The following HACL1 variants were observed in gnomAD, a reference collection of about 807,000 sequenced individuals.
HACL1 encodes the protein 2-hydroxyacyl-CoA lyase 1, also known as 1600020H07Rik.
HACL1 carries 64 observed loss-of-function variants against 74.2 expected under a neutral mutation model. The observed-to-expected ratio is 0.86, with a 90% CI of 0.70 to 1.06. The LOEUF (loss-of-function observed/expected upper bound fraction) is 1.06. HACL1 is among the 50% of genes least tolerant of loss of function. The pLI is 0.00. For synonymous variants in HACL1, 230 were observed against 238.8 expected, an observed-to-expected ratio of 0.96 and a Z score of 0.34; for missense variants, 728 against 719.7, an observed-to-expected ratio of 1.01 and a Z score of -0.13.
Position 15,577,268 on chromosome 3 carries a change from T to G in HACL1, c.804-2186A>C, listed in dbSNP as rs149642939. Among the ~76,000 whole-genome samples the G allele has an allele frequency of 2.0e-3, 310 of 151,786 alleles. 4 individuals carry two copies. The highest frequency in any genetic ancestry group is 7.4e-4 in the Non-Finnish European group (50 of 67,880). ...GGGAGGCCAAGGTGGAAGGATCACT[T>G]GAGCCTAGGGGTCTGAGTCCAGCCT... On this transcript the variant is annotated intron_variant, in intron 9 of 16. Transcript: ENST00000321169.
chr3:15,596,125 G>T, intron 3 of HACL1: 1 of 394,542 alleles, frequency 2.5e-6, no homozygotes, highest in Non-Finnish European at 4.6e-6. Flanking sequence ...TGAGATCCAA[G>T]ACAAGGTATC....
chr3:15,571,560 A>G (rs1049827790), intron 12 of HACL1, 108 bp downstream of exon 12: 7 of 731,888 alleles, frequency 9.6e-6, no homozygotes, highest in Middle Eastern at 4.6e-4. Context: ...TTCACTGCAC[A>G]ATTTTGCACA....
chr3:15,599,454 T>C (rs887105226), intron 2 of HACL1, among the ~76,000 whole-genome samples: 3 of 151,902 alleles, frequency 2.0e-5, no homozygotes, highest in African/African-American at 7.3e-5. Context: ...AGTACAAATC[T>C]AATTACATCG....
chr3:15,595,552 G>A (rs1344277827), intron 3 of HACL1, among the ~76,000 whole-genome samples: 1 of 150,020 alleles, frequency 6.7e-6, no homozygotes, highest in African/African-American at 2.5e-5. Flanking sequence ...GGAAGAAAAT[G>A]ACCAATTCTT....
intron 16 of HACL1, 86 bp from the exon 17 acceptor site, chr3:15,560,983 A>G (rs1322486707): frequency 1.0e-5 from 11 of 1,057,878 alleles, no homozygotes; most frequent in Non-Finnish European, 1.5e-5. Flanking sequence ...TCTAAAACCT[A>G]AAAGTCCTAC....
intron 12 of HACL1, among the ~76,000 whole-genome samples, chr3:15,569,189 A>G (rs2125233649): frequency 6.6e-6 from 1 of 152,266 alleles, no homozygotes; most frequent in Middle Eastern, 3.4e-3. Context: ...AGCCATAGAG[A>G]GCTTTAGCAG....
Position 15,582,883 on chromosome 3 carries a change from CGAT to C in HACL1, c.658_660del (p.Ile220del), listed in dbSNP as rs1559555554. 3.9e-6 allele frequency: 6 copies of C among 1,550,326 alleles called. No homozygotes were observed. Among genetic ancestry groups the C allele is most frequent in the Admixed American group, 1.7e-5 (1 of 59,522 alleles). On this transcript the variant is annotated inframe_deletion, in exon 8 of 17. Coordinates refer to ENST00000321169, the MANE Select transcript of HACL1 (RefSeq NM_012260.4). The stretch of plus-strand genomic sequence containing the variant: ...AGAGTTCTATTCATGCTACCTTTCC[CGAT>C]GATAAGAAGGGGTTGTTTGGCATTC...
chr3:15,564,593 T>C lies in HACL1; in HGVS notation c.1475A>G (p.Asp492Gly), dbSNP rs1312335505. Residue 492 changes from aspartate to glycine, a missense_variant, in exon 15 of 17, where the codon GAT (aspartate) becomes GGT (glycine). Transcript: ENST00000321169. ...NNGIYQGFDT[D>G]TWKEMLKFQD... Reference sequence around the variant, plus strand: ...AAATTTTAACATTTCTTTCCAAGTATCTGTATCAAAACCTTGGTAAATTCC... The same window carrying C: ...AAATTTTAACATTTCTTTCCAAGTACCTGTATCAAAACCTTGGTAAATTCC... 3 of 1,571,808 alleles carry C rather than the reference T, an allele frequency of 1.9e-6. No homozygotes were observed. Among genetic ancestry groups the C allele is most frequent in the Non-Finnish European group, 2.6e-6 (3 of 1,144,328 alleles).
At chr3:15,568,742 T>C (rs1054381055) in intron 12 of HACL1, among the ~76,000 whole-genome samples, 156 bp from the exon 13 acceptor site, 2 of 152,250 alleles carry the variant, frequency 1.3e-5, no homozygotes, top group Non-Finnish European at 2.9e-5. Context: ...AGAAGTTGGC[T>C]GACCTGTGAA....
intron 9 of HACL1, among the ~76,000 whole-genome samples, chr3:15,579,565 A>G (rs1277490776): frequency 1.3e-5 from 2 of 152,190 alleles, no homozygotes; most frequent in African/African-American, 2.4e-5. Context: ...GACAATTTAG[A>G]GAAAGACATA....
chr3:15,580,222 G>A (rs2063696994), intron 8 of HACL1, among the ~76,000 whole-genome samples, 177 bp from the exon 9 acceptor site: 1 of 152,142 alleles, frequency 6.6e-6, no homozygotes, highest in Admixed American at 6.5e-5. Flanking sequence ...CTGCCTCCCT[G>A]GCTCAAGCAA....
intron 10 of HACL1, 50 bp downstream of exon 10, chr3:15,574,927 G>T: frequency 1.2e-6 from 1 of 820,966 alleles, no homozygotes; most frequent in Non-Finnish European, 2.1e-6. Flanking sequence ...CTGATAGGGA[G>T]AATAATGAAC....
intron 9 of HACL1, among the ~76,000 whole-genome samples, chr3:15,577,824 C>T (rs556858515): frequency 8.6e-5 from 13 of 150,628 alleles, no homozygotes; most frequent in Admixed American, 1.3e-4. Context: ...ACCGGCTGGG[C>T]GCAGTGGCTC....
chr3:15,568,087 A>G (rs2063466883), intron 13 of HACL1, 85 bp from the exon 14 acceptor site: 1 of 1,083,200 alleles, frequency 9.2e-7, no homozygotes. Context: ...TCATATTTAC[A>G]TGGTTGATGG....
At position 15,582,938 on chromosome 3, in the gene HACL1, A is replaced by G. The variant is rs138143017; in HGVS notation, c.606T>C (p.Ala202=). 2.3e-5 allele frequency: 37 copies of G among 1,612,522 alleles called. No individual in the cohort carries two copies. Among genetic ancestry groups the G allele is most frequent in the Non-Finnish European group, 3.0e-5 (35 of 1,178,918 alleles). ...SPPISMAETS[A]VCTAASVIRN... Reference sequence around the variant, plus strand: ...TAATAACAGAAGCCGCCGTGCACACAGCAGAGGTTTCTGCCATGCTAATAG... The same window carrying G: ...TAATAACAGAAGCCGCCGTGCACACGGCAGAGGTTTCTGCCATGCTAATAG... Residue 202 remains alanine, a synonymous_variant, in exon 8 of 17, where the codon GCT becomes GCC. Transcript: ENST00000321169.
Position 15,567,918 on chromosome 3 carries a change from AG to A in HACL1, c.1334del (p.Pro445LeufsTer21). 6.2e-7 allele frequency: 1 copy of A among 1,614,112 alleles called. No individual in the cohort carries two copies. Among genetic ancestry groups the A allele is most frequent in the Non-Finnish European group, 8.5e-7 (1 of 1,179,912 alleles). ...AAAVVAKDRS[P>X]GQWIICVEGD... ...CTTCCACACAGATGATCCATTGCCC[AG>A]GGCTTCTATCTTTAGCCACCACGGC... On this transcript the variant is annotated frameshift_variant, in exon 14 of 17. Coordinates refer to ENST00000321169, the MANE Select transcript of HACL1 (RefSeq NM_012260.4). LOFTEE classifies it high-confidence loss of function.
chr3:15,576,648 T>C (rs1354971834), intron 9 of HACL1, among the ~76,000 whole-genome samples: 1 of 152,206 alleles, frequency 6.6e-6, no homozygotes, highest in Non-Finnish European at 1.5e-5. Flanking sequence ...TGTCTGCCTT[T>C]TTCCAGGAGA....
chr3:15,581,998 T>C (rs921107871), intron 8 of HACL1, among the ~76,000 whole-genome samples: 14 of 152,238 alleles, frequency 9.2e-5, no homozygotes, highest in Non-Finnish European at 1.8e-4. Context: ...AAAGCAGTTG[T>C]TTCCCAAAGT....
chr3:15,579,069 G>C lies in HACL1; in HGVS notation c.803+841C>G, dbSNP rs2063677280. Among the ~76,000 whole-genome samples the C allele has an allele frequency of 1.3e-5, 2 of 152,318 alleles. 1 individual carries two copies. The highest frequency in any genetic ancestry group is 4.1e-4 in the South Asian group (2 of 4,828). On this transcript the variant is annotated intron_variant, in intron 9 of 16. Transcript: ENST00000321169. Reference sequence around the variant, plus strand: ...CCTGGAACTACTTATATATGGTTAAGTTCACACTTCGATTTGTAGTCAAGC... The same window carrying C: ...CCTGGAACTACTTATATATGGTTAACTTCACACTTCGATTTGTAGTCAAGC...
Sources: gnomAD v4.1 joint callset for allele counts (sites outside exome capture counted in the v4.1 genomes callset) on GRCh38, gnomAD v4.1.1 for gene constraint, MANE v1.5 for transcripts, NCBI Gene and HGNC (gene_info 2026-07-23, HGNC 2026-07-21) for gene names.